TTF2: variants seen among roughly 807,000 people sequenced by gnomAD.
TTF2 encodes the protein transcription termination factor 2.
Under a neutral mutation model 142.4 loss-of-function variants are expected in TTF2, and 108 were observed. The ratio of observed to expected loss-of-function variants is 0.76; its 90% CI spans 0.65 to 0.89. The LOEUF (loss-of-function observed/expected upper bound fraction) is 0.89. Among genes scored for constraint, TTF2 ranks in the 40% least tolerant of loss-of-function variants. The pLI is 0.00. For synonymous variants in TTF2, 483 were observed against 506.2 expected (o/e 0.95, Z 0.61); for missense variants, 1,327 against 1,379.8 (o/e 0.96, Z 0.61).
chr1:117,066,358 C>T (rs374703774), intron 3 of TTF2, among the ~76,000 whole-genome samples: 24 of 152,138 alleles, frequency 1.6e-4, no homozygotes, highest in African/African-American at 5.6e-4. Flanking sequence ...GAAGTAGCAG[C>T]AGTGGAATTG....
chr1:117,082,833 TTAAA>T (rs1334912974), intron 10 of TTF2, among the ~76,000 whole-genome samples: 2 of 152,020 alleles, frequency 1.3e-5, no homozygotes, highest in African/African-American at 2.4e-5. Context: ...TTAAAAAAAA[TTAAA>T]TAAAAAGTAA....
rs1019739750 is a variant in TTF2 at position 117,065,988 on chromosome 1, C to T, written c.218+3515C>T. ...CTACCATTGAAAGCCCACTATATAC[C>T]TTTTTTTTTTTTTTTTTTTTTTTTT... is the stretch of plus-strand genomic sequence containing the variant. On this transcript the variant is annotated intron_variant, in intron 3 of 22. Coordinates refer to ENST00000369466, the MANE Select transcript of TTF2 (RefSeq NM_003594.4). Among the ~76,000 whole-genome samples the T allele has an allele frequency of 2.1e-4, 21 of 97,978 alleles. 1 individual carries two copies. The highest frequency in any genetic ancestry group is 1.0e-3 in the African/African-American group (21 of 21,042). The allele number at this position is 97,978 out of a possible 152,430, so 64.3% of individuals were successfully genotyped here.
rs1380666800 is a variant in TTF2 at position 117,086,268 on chromosome 1, T to TGC, written c.2055-148_2055-147insCG. The stretch of plus-strand genomic sequence containing the variant: ...CAAAATGTGTGTGTGTGTGTGTGTG[T>TGC]GTGCGTGTGTGTGTTAAGGACACAA... On this transcript the variant is annotated intron_variant, in intron 11 of 22. Coordinates refer to ENST00000369466, the MANE Select transcript of TTF2 (RefSeq NM_003594.4). This position sits in a 1 kb window ranked among gnomAD's most constrained non-coding sequence, Gnocchi z 4.2. 2 of 583,052 alleles carry TGC rather than the reference T, an allele frequency of 3.4e-6. No homozygotes were observed. The highest frequency in any genetic ancestry group is 1.9e-5 in the African/African-American group (1 of 53,106). 36.1% of individuals were successfully genotyped at this position (583,052 alleles called of 1,614,324 possible).
chr1:117,081,480 T>A (rs1424038733), intron 9 of TTF2, among the ~76,000 whole-genome samples: 4 of 152,178 alleles, frequency 2.6e-5, no homozygotes, highest in Non-Finnish European at 5.9e-5. Flanking sequence ...TACTGGACAT[T>A]TTTTGCTTTT....
At position 117,097,692 on chromosome 1, in the gene TTF2, T is replaced by C. The variant is rs1011459098; in HGVS notation, c.3269+259T>C. Among the ~76,000 whole-genome samples the C allele has an allele frequency of 6.6e-6, 1 of 152,224 alleles. No homozygotes were observed. Among genetic ancestry groups the C allele is most frequent in the Admixed American group, 6.5e-5 (1 of 15,280 alleles). On this transcript the variant is annotated intron_variant, in intron 21 of 22. Transcript: ENST00000369466. The surrounding 1 kb of genome is among the most constrained non-coding windows in gnomAD (Gnocchi z 4.1). ...ATTGTTAGTCTAACATCTGTTTCCA[T>C]GGAAACGGGGAGCATAGCTTTTCCT... is the stretch of plus-strand genomic sequence containing the variant.
At chr1:117,083,266 T>C (rs2101074711) in intron 10 of TTF2, among the ~76,000 whole-genome samples, 1 of 148,526 alleles carries the variant, frequency 6.7e-6, no homozygotes, top group East Asian at 2.0e-4. Flanking sequence ...AAAAAAAATC[T>C]GTGGCATCTG....
intron 13 of TTF2, 83 bp downstream of exon 13, chr1:117,089,065 AGTATGT>A: frequency 7.1e-7 from 1 of 1,409,670 alleles, no homozygotes; most frequent in Admixed American, 2.5e-5. Flanking sequence ...ATAAAGCCTT[AGTATGT>A]GCCAGATTAT....
rs1649654637 is a variant in TTF2 at position 117,102,330 on chromosome 1, TGCAG to T, written c.*807_*810del. On this transcript the variant is annotated 3_prime_UTR_variant, in exon 23 of 23. Coordinates refer to ENST00000369466, the MANE Select transcript of TTF2 (RefSeq NM_003594.4). Reference sequence around the variant, plus strand: ...AGAGAGTCAATCCCTGCAGCCACCCTGCAGCCAGCCATCTCTGCAGTTCTCTCAG... The same window carrying T: ...AGAGAGTCAATCCCTGCAGCCACCCTCCAGCCATCTCTGCAGTTCTCTCAG... 7.3e-6 allele frequency: 1 copy of T among 136,578 alleles called. No homozygotes were observed. The highest frequency in any genetic ancestry group is 2.7e-5 in the African/African-American group (1 of 37,472). 8.5% of individuals were successfully genotyped at this position (136,578 alleles called of 1,614,324 possible). A position where few individuals can be genotyped will look rare whatever the true frequency, so the allele number is the denominator to read the frequency against.
rs769984529 is a variant in TTF2, at chr1:117,075,764, A to G, written c.1180A>G (p.Lys394Glu). The change falls in exon 5 of 23, where the codon AAG becomes GAG. Residue 394 changes from lysine (K) to glutamate (E), a missense_variant. Physicochemically the swap from Lys to Glu is moderately conservative, Grantham distance 56. Transcript: ENST00000369466. This position sits in a 1 kb window ranked among gnomAD's most constrained non-coding sequence, Gnocchi z 4.5. Reference sequence around the variant, plus strand: ...ATTCCCTGATCGAAGTGTGCAAAGAAAGGTGTCTCCTGCCTCAGGTGTTTC... The same window carrying G: ...ATTCCCTGATCGAAGTGTGCAAAGAGAGGTGTCTCCTGCCTCAGGTGTTTC... ...LQFPDRSVQR[K>E]VSPASGVSKK... The G allele has an allele frequency of 6.2e-7, 1 of 1,614,216 alleles. No homozygotes were observed. Among genetic ancestry groups the G allele is most frequent in the South Asian group, 1.1e-5 (1 of 91,080 alleles).
intron 18 of TTF2, 88 bp from the exon 19 acceptor site, chr1:117,095,221 T>G: frequency 8.1e-7 from 1 of 1,238,010 alleles, no homozygotes; most frequent in Non-Finnish European, 1.2e-6. Flanking sequence ...ACAGACGCCA[T>G]GTAGGAGGCT....
At position 117,104,449 on chromosome 1, in the gene TTF2, A is replaced by C. The variant is rs997480257; in HGVS notation, c.*2925A>C. ...TTCAGGTTCAAGCATTCTGGCTTTT[A>C]GTTTGGAGAGGGATGCAGGGATTGT... On this transcript the variant is annotated 3_prime_UTR_variant, in exon 23 of 23. Transcript: ENST00000369466. 2 of 152,222 alleles carry C rather than the reference A, an allele frequency of 1.3e-5. No homozygotes were observed. The highest frequency in any genetic ancestry group is 4.8e-5 in the African/African-American group (2 of 41,442). 9.4% of individuals were successfully genotyped at this position (152,222 alleles called of 1,614,324 possible).
chr1:117,075,559 T>G lies in TTF2; in HGVS notation c.975T>G (p.Pro325=). ...CGGAGACCCACAGTGTGCCTGCTCCTGGAGGACCAGCGGCTCAGGCTGCAC... is the reference window on the plus strand; with the variant it reads ...CGGAGACCCACAGTGTGCCTGCTCCGGGAGGACCAGCGGCTCAGGCTGCAC... ...ERPETHSVPA[P]GGPAAQAAPA... The change falls in exon 5 of 23, where the codon CCT becomes CCG. Residue 325 remains proline, a synonymous_variant. Transcript: ENST00000369466. The surrounding 1 kb of genome is among the most constrained non-coding windows in gnomAD (Gnocchi z 4.5). The G allele has an allele frequency of 6.2e-7, 1 of 1,614,194 alleles. No homozygotes were observed. The highest frequency in any genetic ancestry group is 8.5e-7 in the Non-Finnish European group (1 of 1,180,024).
Position 117,076,267 on chromosome 1 carries a change from A to T in TTF2, c.1363A>T (p.Ser455Cys). Residue 455 changes from serine to cysteine, a missense_variant, in exon 6 of 23, where the codon AGT becomes TGT. Physicochemically the swap from Ser to Cys is moderately radical, Grantham distance 112 (BLOSUM62 -1). Transcript: ENST00000369466. This position sits in a 1 kb window ranked among gnomAD's most constrained non-coding sequence, Gnocchi z 4.6. Reference sequence around the variant, plus strand: ...AATCCAGGAGCTGGAGGAAGTACTCAGTGGTCTTACCCTTTCCCCAGAGCA... The same window carrying T: ...AATCCAGGAGCTGGAGGAAGTACTCTGTGGTCTTACCCTTTCCCCAGAGCA... Reference protein sequence around the residue: ...KQIQELEEVLSGLTLSPEQGT... With the variant: ...KQIQELEEVLCGLTLSPEQGT... The T allele has an allele frequency of 6.2e-7, 1 of 1,613,988 alleles. No individual in the cohort carries two copies. The highest frequency in any genetic ancestry group is 1.1e-5 in the South Asian group (1 of 91,064).
rs770247735 is a variant in TTF2 at position 117,081,858 on chromosome 1, C to CA, written c.1816dup (p.Met606AsnfsTer30). 1 of 1,614,040 alleles carries CA rather than the reference C, an allele frequency of 6.2e-7. No individual in the cohort carries two copies. The highest frequency in any genetic ancestry group is 1.7e-5 in the Admixed American group (1 of 59,996). On this transcript the variant is annotated frameshift_variant, in exon 10 of 23. Transcript: ENST00000369466. LOFTEE classifies it high-confidence loss of function. ...GATATGGGCTTAGGAAAAACCCTGA[C>CA]AATGATTGCGCTCATCCTGACCCAG...
chr1:117,101,662 G>T lies in TTF2; in HGVS notation c.*138G>T, dbSNP rs776589909. On this transcript the variant is annotated 3_prime_UTR_variant, in exon 23 of 23. Coordinates refer to ENST00000369466, the MANE Select transcript of TTF2 (RefSeq NM_003594.4). This position sits in a 1 kb window ranked among gnomAD's most constrained non-coding sequence, Gnocchi z 5.9. ...TCAAGCCTTTCACCTTCCTCAAAAT[G>T]AGGCATAATCTTATCCCCAGAATTG... 1 of 966,852 alleles carries T rather than the reference G, an allele frequency of 1.0e-6. No individual in the cohort carries two copies. The highest frequency in any genetic ancestry group is 1.4e-6 in the Non-Finnish European group (1 of 703,722). 59.9% of individuals were successfully genotyped at this position (966,852 alleles called of 1,614,324 possible).
chr1:117,079,792 C>T lies in TTF2; in HGVS notation c.1783+143C>T, dbSNP rs1268648646. The T allele has an allele frequency of 2.3e-5, 19 of 823,568 alleles. No homozygotes were observed. The highest frequency in any genetic ancestry group is 3.7e-5 in the Non-Finnish European group (19 of 513,808). 51.0% of individuals were successfully genotyped at this position (823,568 alleles called of 1,614,324 possible). On this transcript the variant is annotated intron_variant, in intron 9 of 22. Transcript: ENST00000369466. The surrounding 1 kb of genome is among the most constrained non-coding windows in gnomAD (Gnocchi z 4.2). ...CATTTTACAGATGATGAAAGTGAAG[C>T]ATGGAAGTGTTAAGCAACTTGCTCA...
chr1:117,098,796 A>G (rs1194549506), intron 21 of TTF2, 37 bp from the exon 22 acceptor site: 1 of 1,598,388 alleles, frequency 6.3e-7, no homozygotes, highest in South Asian at 1.1e-5. Flanking sequence ...CTGATCTAGT[A>G]TGTCAGTTCC....
At chr1:117,082,993 A>G (rs1172996567) in intron 10 of TTF2, among the ~76,000 whole-genome samples, 2 of 152,150 alleles carry the variant, frequency 1.3e-5, no homozygotes, top group African/African-American at 4.8e-5. Flanking sequence ...CTGTAATCCC[A>G]GCACTTTGGG....
Position 117,079,493 on chromosome 1 carries a change from G to A in TTF2, c.1702-75G>A. ...CATTTGTAGAAAATAGGAGAGTGTA[G>A]AGTTCGTGTAGCCAGGCTCGGCATA... is the stretch of plus-strand genomic sequence containing the variant. On this transcript the variant is annotated intron_variant, in intron 8 of 22. Transcript: ENST00000369466. The surrounding 1 kb of genome is among the most constrained non-coding windows in gnomAD (Gnocchi z 4.2). 7.4e-7 allele frequency: 1 copy of A among 1,351,982 alleles called. No individual in the cohort carries two copies. 83.7% of individuals were successfully genotyped at this position (1,351,982 alleles called of 1,614,324 possible).
Sources: allele counts gnomAD v4.1 joint callset (sites outside exome capture counted in the v4.1 genomes callset), GRCh38; gene constraint gnomAD v4.1.1; non-coding constraint Gnocchi (gnomAD v3.1); transcripts MANE v1.5; gene names NCBI Gene and HGNC (gene_info 2026-07-23, HGNC 2026-07-21).